The following EFHD1 variants were observed in gnomAD, a reference collection of about 807,000 sequenced individuals.
The protein encoded by EFHD1 is EF-hand domain family member D1, also known as EF-hand domain-containing protein D1.
A neutral mutation model predicts 17.2 loss-of-function variants in EFHD1; 10 were observed. The observed-to-expected ratio is 0.58, with a 90% CI of 0.36 to 0.99. The LOEUF (loss-of-function observed/expected upper bound fraction) is 0.99. Ranked by LOEUF, EFHD1 falls within the 50% of genes least tolerant of loss-of-function variation. The pLI, the probability that EFHD1 is intolerant of heterozygous loss-of-function variation, is 0.01. For synonymous variants in EFHD1, 153 were observed against 142.0 expected, an observed-to-expected ratio of 1.08 and a Z score of -0.55; for missense variants, 310 against 327.5, an observed-to-expected ratio of 0.95 and a Z score of 0.41.
At chr2:232,625,565 G>A (rs1238963038) in intron 1 of EFHD1, among the ~76,000 whole-genome samples, 1 of 151,910 alleles carries the variant, frequency 6.6e-6, no homozygotes, top group East Asian at 1.9e-4. Context: ...ACAAAATATA[G>A]AAATGACCTT....
At chr2:232,668,794 C>T (rs372223462) in intron 2 of EFHD1, among the ~76,000 whole-genome samples, 4 of 152,014 alleles carry the variant, frequency 2.6e-5, no homozygotes, top group Admixed American at 6.6e-5. Flanking sequence ...CCACCATGCC[C>T]GGCTAATTTT....
At chr2:232,610,753 T>G (rs1239038537) in intron 1 of EFHD1, 2 of 152,144 alleles carry the variant, frequency 1.3e-5, no homozygotes, top group African/African-American at 2.4e-5. Flanking sequence ...GGCATGCGCC[T>G]GTAGTCGCGG....
chr2:232,637,777 T>G (rs763518256), intron 1 of EFHD1, among the ~76,000 whole-genome samples: 13 of 152,182 alleles, frequency 8.5e-5, no homozygotes, highest in Non-Finnish European at 1.8e-4. Flanking sequence ...GCTAGAAAGA[T>G]TCATACAGAT....
At chr2:232,674,194 A>ACC (rs1244731859) in intron 3 of EFHD1, among the ~76,000 whole-genome samples, 2 of 152,248 alleles carry the variant, frequency 1.3e-5, no homozygotes, top group African/African-American at 2.4e-5. Flanking sequence ...GGCGTGAGCC[A>ACC]CCGCACCCAT....
At chr2:232,680,855 G>T (rs1260446034) in intron 3 of EFHD1, among the ~76,000 whole-genome samples, 1 of 151,664 alleles carries the variant, frequency 6.6e-6, no homozygotes, top group Non-Finnish European at 1.5e-5. Context: ...TAGACAGATG[G>T]ATGCAATTCC....
At chr2:232,627,036 C>CTCTCTCTATA (rs1242284297) in intron 1 of EFHD1, among the ~76,000 whole-genome samples, 6 of 112,706 alleles carry the variant, frequency 5.3e-5, no homozygotes, top group Admixed American at 1.0e-4. Context: ...CTCTCTCTCT[C>CTCTCTCTATA]TATATATATA....
At chr2:232,608,763 T>C (rs1693762662) in intron 1 of EFHD1, among the ~76,000 whole-genome samples, 1 of 151,970 alleles carries the variant, frequency 6.6e-6, no homozygotes, top group African/African-American at 2.4e-5. Flanking sequence ...ACCCCGTCTA[T>C]ACTAAAAAGT....
At chr2:232,613,528 A>T (rs1693845154) in intron 1 of EFHD1, among the ~76,000 whole-genome samples, 1 of 152,050 alleles carries the variant, frequency 6.6e-6, no homozygotes, top group Admixed American at 6.6e-5. Flanking sequence ...CCCAATGCTC[A>T]CCATGAATAA....
At chr2:232,613,633 TATACACACAC>T (rs1693848950) in intron 1 of EFHD1, among the ~76,000 whole-genome samples, 1 of 100,016 alleles carries the variant, frequency 1.0e-5, no homozygotes, top group Admixed American at 1.0e-4. Context: ...CACACACACA[TATACACACAC>T]ATACACACAC....
intron 1 of EFHD1, among the ~76,000 whole-genome samples, chr2:232,628,260 C>T (rs1242177603): frequency 6.6e-6 from 1 of 152,074 alleles, no homozygotes; most frequent in East Asian, 1.9e-4. Flanking sequence ...GGGGTTTCAC[C>T]GTGTTGGCCA....
At chr2:232,668,745 TGCCTCA>T (rs1466280932) in intron 2 of EFHD1, among the ~76,000 whole-genome samples, 1 of 152,144 alleles carries the variant, frequency 6.6e-6, no homozygotes, top group Non-Finnish European at 1.5e-5. Flanking sequence ...GCGATTCTCG[TGCCTCA>T]GCCTCCCGAG....
At chr2:232,646,547 C>A (rs1265097613) in intron 1 of EFHD1, among the ~76,000 whole-genome samples, 1 of 141,610 alleles carries the variant, frequency 7.1e-6, no homozygotes, top group Non-Finnish European at 1.5e-5. Context: ...TGGGTTCAAG[C>A]TATTCTCCTG....
In EFHD1 at chr2:232,672,341, G is replaced by A; in HGVS notation, c.483G>A (p.Gly161=). ...TCATTTTCCACAAGGCCGCGGCAGG[G>A]GAGCTGCAGGAGGACAGTGGGCTGA... ...FLLIFHKAAA[G]ELQEDSGLMA... The change falls in exon 3 of 4, where the codon GGG becomes GGA. Residue 161 remains glycine, a synonymous_variant. Transcript: ENST00000264059. 1.9e-6 allele frequency: 3 copies of A among 1,614,174 alleles called. No individual in the cohort carries two copies. Among genetic ancestry groups the A allele is most frequent in the African/African-American group, 1.3e-5 (1 of 75,044 alleles).
At chr2:232,645,513 C>A (rs577369732) in intron 1 of EFHD1, among the ~76,000 whole-genome samples, 10 of 152,334 alleles carry the variant, frequency 6.6e-5, no homozygotes, top group African/African-American at 2.4e-4. Context: ...TCTTTGCCCA[C>A]GAGGACCTAG....
In EFHD1 at chr2:232,681,568, C is replaced by T; in HGVS notation, c.586-17C>T. 6.2e-7 allele frequency: 1 copy of T among 1,613,026 alleles called. No homozygotes were observed. Among genetic ancestry groups the T allele is most frequent in the Non-Finnish European group, 8.5e-7 (1 of 1,179,460 alleles). On this transcript the variant is annotated splice_polypyrimidine_tract_variant and intron_variant, in intron 3 of 3. Transcript: ENST00000264059. ...CCTCCCTTACTCGTTTGGTCTATGT[C>T]TGCTATTTCTCTGCAGGTCCAAGCC...
At chr2:232,669,790 G>T (rs1417808258) in intron 2 of EFHD1, among the ~76,000 whole-genome samples, 2 of 151,950 alleles carry the variant, frequency 1.3e-5, no homozygotes, top group Admixed American at 1.3e-4. Flanking sequence ...TAGTGGAGAC[G>T]GGGTTTCACC....
At chr2:232,611,126 T>C (rs1368148522) in intron 1 of EFHD1, among the ~76,000 whole-genome samples, 2 of 152,152 alleles carry the variant, frequency 1.3e-5, no homozygotes, top group Admixed American at 6.5e-5. Context: ...TGCAGTGAGC[T>C]ATGATTGTAT....
At chr2:232,623,324 G>A (rs912525251) in intron 1 of EFHD1, among the ~76,000 whole-genome samples, 8 of 152,172 alleles carry the variant, frequency 5.3e-5, no homozygotes, top group Non-Finnish European at 1.0e-4. Context: ...GGGATTACTG[G>A]TGTGAGTCAC....
chr2:232,663,809 G>A (rs868099932), intron 2 of EFHD1, among the ~76,000 whole-genome samples: 6 of 151,548 alleles, frequency 4.0e-5, no homozygotes, highest in African/African-American at 7.3e-5. Context: ...ACAATAATGC[G>A]TCTTCTTTGC....
Sources: allele counts gnomAD v4.1 joint callset (sites outside exome capture counted in the v4.1 genomes callset), GRCh38; gene constraint gnomAD v4.1.1; transcripts MANE v1.5; gene names NCBI Gene and HGNC (gene_info 2026-07-23, HGNC 2026-07-21).